UGT1A6: variants seen among roughly 807,000 people sequenced by gnomAD.
The protein encoded by UGT1A6 is UDP glucuronosyltransferase family 1 member A6.
A neutral mutation model predicts 44.4 loss-of-function variants in UGT1A6; 32 were observed. The observed-to-expected ratio is 0.72, with a 90% CI of 0.54 to 0.97. The LOEUF (loss-of-function observed/expected upper bound fraction) is 0.97. UGT1A6 is among the 50% of genes least tolerant of loss of function. UGT1A6 has a pLI of 0.00. For missense variants in UGT1A6, 685 were observed against 661.9 expected (o/e 1.03, Z -0.38); for synonymous variants, 238 against 248.5 (o/e 0.96, Z 0.40).
At chr2:233,701,272 C>G (rs2075620073) in intron 1 of UGT1A6, among the ~76,000 whole-genome samples, 2 of 152,054 alleles carry the variant, frequency 1.3e-5, no homozygotes, top group Admixed American at 1.3e-4. Flanking sequence ...ATTTCTAGTT[C>G]TAGATCCTTG....
intron 1 of UGT1A6, chr2:233,743,631 G>A: frequency 7.3e-7 from 1 of 1,367,310 alleles, no homozygotes; most frequent in South Asian, 1.1e-5. Flanking sequence ...ACGTCGGCTG[G>A]GTCGCGGAAG....
intron 1 of UGT1A6, chr2:233,722,130 G>A (rs1389703029): frequency 1.7e-5 from 3 of 173,394 alleles, no homozygotes; most frequent in African/African-American, 7.1e-5. Context: ...CATTAGTAGA[G>A]TTTAAGACTC....
chr2:233,747,198 C>G, intron 1 of UGT1A6: 10 of 1,604,166 alleles, frequency 6.2e-6, no homozygotes, highest in South Asian at 1.1e-5. Context: ...GTCAGCTGTC[C>G]GTGTCTTCTG....
intron 1 of UGT1A6, among the ~76,000 whole-genome samples, chr2:233,757,535 A>AATATATATACATATATATATATATAT (rs376887521): frequency 5.7e-5 from 5 of 88,270 alleles, no homozygotes; most frequent in Admixed American, 1.1e-4. Flanking sequence ...GCCTGTAAGG[A>AATATATATACATATATATATATATAT]ATATATATAT....
intron 1 of UGT1A6, among the ~76,000 whole-genome samples, chr2:233,724,625 A>C: frequency 7.3e-6 from 1 of 136,298 alleles, no homozygotes; most frequent in Non-Finnish European, 1.6e-5. Flanking sequence ...GACGCTCCTC[A>C]CTTCCTAGAT....
At chr2:233,751,385 T>C (rs1694712496) in intron 1 of UGT1A6, among the ~76,000 whole-genome samples, 1 of 152,160 alleles carries the variant, frequency 6.6e-6, no homozygotes, top group African/African-American at 2.4e-5. Flanking sequence ...TTGCCTTGTC[T>C]CAGATAAGAC....
At chr2:233,724,799 C>T (rs559235136) in intron 1 of UGT1A6, among the ~76,000 whole-genome samples, 7 of 139,258 alleles carry the variant, frequency 5.0e-5, no homozygotes, top group Non-Finnish European at 1.1e-4. Flanking sequence ...GACGGGGTGG[C>T]GGCCGGGCAG....
Position 233,693,306 on chromosome 2 carries a change from AGCGATCAT to A in UGT1A6, c.303_310del (p.Glu101AspfsTer12), listed in dbSNP as rs756247259. On this transcript the variant is annotated frameshift_variant, in exon 1 of 5. Transcript: ENST00000305139. LOFTEE classifies it high-confidence loss of function. ...TCATTTGGAAACAATCACTTTGCTG[AGCGATCAT>A]TCCTAACTGCTCCTCAGACAGAGTA... 1.2e-6 allele frequency: 2 copies of A among 1,614,218 alleles called. No homozygotes were observed. The highest frequency in any genetic ancestry group is 3.3e-5 in the Admixed American group (2 of 60,026).
chr2:233,766,840 C>G (rs1430018242), intron 1 of UGT1A6, among the ~76,000 whole-genome samples, 194 bp from the exon 2 acceptor site: 6 of 152,184 alleles, frequency 3.9e-5, no homozygotes, highest in Admixed American at 2.0e-4. Flanking sequence ...AGCAGGAACC[C>G]TTCCTCCTTT....
intron 1 of UGT1A6, among the ~76,000 whole-genome samples, chr2:233,724,351 C>G: frequency 6.8e-6 from 1 of 147,806 alleles, no homozygotes; most frequent in African/African-American, 2.5e-5. Context: ...CCCCCCCCAC[C>G]TCCCTCCCGG....
chr2:233,760,886 AT>A (rs763109127), intron 1 of UGT1A6: 1 of 1,613,934 alleles, frequency 6.2e-7, no homozygotes, highest in East Asian at 2.2e-5. Context: ...CTCTCCTCTC[AT>A]TCAGATCACA....
intron 1 of UGT1A6, among the ~76,000 whole-genome samples, chr2:233,739,884 T>C (rs1299319141): frequency 6.6e-6 from 1 of 151,956 alleles, no homozygotes; most frequent in Non-Finnish European, 1.5e-5. Context: ...ACTGTGTGTT[T>C]CCACCCAAAT....
At chr2:233,712,316 A>C (rs1308909918) in intron 1 of UGT1A6, among the ~76,000 whole-genome samples, 1 of 151,652 alleles carries the variant, frequency 6.6e-6, no homozygotes, top group Non-Finnish European at 1.5e-5. Context: ...ATCCTCAACA[A>C]AGCCTTTCCA....
chr2:233,714,773 T>G (rs2076411082), intron 1 of UGT1A6, among the ~76,000 whole-genome samples: 1 of 152,258 alleles, frequency 6.6e-6, no homozygotes, highest in African/African-American at 2.4e-5. Flanking sequence ...TATCTCAATT[T>G]GGAATAGCCA....
rs1342546287 is a variant in UGT1A6, at chr2:233,693,637, C to T, written c.633C>T (p.Asn211=). 6.2e-7 allele frequency: 1 copy of T among 1,614,222 alleles called. No homozygotes were observed. Residue 211 remains asparagine (N), a synonymous_variant, in exon 1 of 5, where the codon AAC becomes AAT. Coordinates refer to ENST00000305139, the MANE Select transcript of UGT1A6 (RefSeq NM_001072.4). ...TGACTTTTTCCCAACGAGTGGCCAA[C>T]TTCCTTGTTAATTTGTTGGAGCCCT... The part of the protein sequence containing the change: ...DHMTFSQRVA[N]FLVNLLEPYL...
At position 233,772,892 on chromosome 2, in the gene UGT1A6, T is replaced by A; in HGVS notation, c.*333T>A. On this transcript the variant is annotated 3_prime_UTR_variant, in exon 5 of 5. Coordinates refer to ENST00000305139, the MANE Select transcript of UGT1A6 (RefSeq NM_001072.4). The stretch of plus-strand genomic sequence containing the variant: ...TTGGGAGTGCGGGATTCAAAGGTGG[T>A]CCCACGGCTGCCCCTACTGCAAATG... 1 of 501,562 alleles carries A rather than the reference T, an allele frequency of 2.0e-6. No homozygotes were observed. Among genetic ancestry groups the A allele is most frequent in the Non-Finnish European group, 3.2e-6 (1 of 310,918 alleles). 31.1% of individuals were successfully genotyped at this position (501,562 alleles called of 1,614,324 possible).
chr2:233,767,739 GT>G, intron 2 of UGT1A6, 109 bp from the exon 3 acceptor site: 1 of 1,578,058 alleles, frequency 6.3e-7, no homozygotes, highest in Non-Finnish European at 8.6e-7. Flanking sequence ...CTCCCACTCT[GT>G]TAAAGACTGT....
At chr2:233,725,087 T>C (rs1168031372) in intron 1 of UGT1A6, among the ~76,000 whole-genome samples, 1 of 144,724 alleles carries the variant, frequency 6.9e-6, no homozygotes, top group Non-Finnish European at 1.5e-5. Flanking sequence ...CTCGGCAGGC[T>C]GAGGCAGGAG....
chr2:233,766,415 C>T (rs1416459239), intron 1 of UGT1A6, among the ~76,000 whole-genome samples: 1 of 152,164 alleles, frequency 6.6e-6, no homozygotes, highest in Admixed American at 6.5e-5. Context: ...CTGATGTGCT[C>T]CTCCCGATGT....
Sources: gnomAD v4.1 joint callset for allele counts (sites outside exome capture counted in the v4.1 genomes callset) on GRCh38, gnomAD v4.1.1 for gene constraint, MANE v1.5 for transcripts, NCBI Gene and HGNC (gene_info 2026-07-23, HGNC 2026-07-21) for gene names.